ZNF407: variants seen among roughly 807,000 people sequenced by gnomAD.
ZNF407 encodes the protein zinc finger protein 407.
ZNF407 carries 17 observed loss-of-function variants against 131.2 expected under a neutral mutation model. The observed-to-expected ratio is 0.13, with a 90% CI of 0.09 to 0.19. ZNF407 has a LOEUF of 0.19. ZNF407 is among the 10% of genes least tolerant of loss of function. The pLI is 1.00. For missense variants in ZNF407, 2,681 were observed against 2,830.6 expected (o/e 0.95, Z 1.20); for synonymous variants, 1,156 against 1,062.0 (o/e 1.09, Z -1.72).
chr18:74,638,282 A>C (rs1422223909), intron 2 of ZNF407, among the ~76,000 whole-genome samples: 1 of 152,234 alleles, frequency 6.6e-6, no homozygotes, highest in Non-Finnish European at 1.5e-5. Context: ...GTGACCACAA[A>C]GGCTTAACAT....
chr18:75,052,777 C>T (rs1973517022), intron 8 of ZNF407, among the ~76,000 whole-genome samples: 2 of 152,152 alleles, frequency 1.3e-5, no homozygotes, highest in South Asian at 4.1e-4. Context: ...GCCTGTGCGG[C>T]ACCCGGTACA....
intron 8 of ZNF407, among the ~76,000 whole-genome samples, chr18:74,965,708 C>T (rs2145297362): frequency 6.6e-6 from 1 of 152,224 alleles, no homozygotes; most frequent in Admixed American, 6.5e-5. Context: ...TATATAGTAG[C>T]TCTACTTTTA....
intron 4 of ZNF407, among the ~76,000 whole-genome samples, chr18:74,835,938 A>C (rs1297298726): frequency 6.6e-6 from 1 of 151,592 alleles, no homozygotes; most frequent in African/African-American, 2.4e-5. Flanking sequence ...GTTTAGTTAC[A>C]GCTGAATGTA....
chr18:74,789,499 T>C (rs1969784366), intron 4 of ZNF407, among the ~76,000 whole-genome samples: 1 of 152,186 alleles, frequency 6.6e-6, no homozygotes, highest in South Asian at 2.1e-4. Context: ...CATATCAGGA[T>C]GAACCTGGGA....
At chr18:74,991,074 T>G (rs1294261630) in intron 8 of ZNF407, among the ~76,000 whole-genome samples, 1 of 152,230 alleles carries the variant, frequency 6.6e-6, no homozygotes, top group Non-Finnish European at 1.5e-5. Flanking sequence ...GATGTGCTAG[T>G]TCAGCTTACT....
intron 7 of ZNF407, among the ~76,000 whole-genome samples, chr18:74,916,803 T>TGC (rs565284476): frequency 4.2e-4 from 62 of 148,744 alleles, no homozygotes; most frequent in Non-Finnish European, 7.8e-4. Context: ...TGTGTGTGTG[T>TGC]GCATGTGTGT....
chr18:74,902,806 T>G lies in ZNF407; in HGVS notation c.5249+12768T>G, dbSNP rs1040703705. ...GCTAGAAAACATTTTTTTGAAAGAC[T>G]TTTCAAAGATAAGTAAGTTCACTCT... On this transcript the variant is annotated intron_variant, in intron 7 of 8. Coordinates refer to ENST00000299687, the MANE Select transcript of ZNF407 (RefSeq NM_017757.3). 3.3e-5 allele frequency among the ~76,000 whole-genome samples: 5 copies of G among 152,342 alleles called. No homozygotes were observed. The East Asian group carries it at 7.7e-4, about 23-fold the overall frequency.
chr18:74,888,358 A>G (rs1379079781), intron 6 of ZNF407, among the ~76,000 whole-genome samples: 1 of 152,170 alleles, frequency 6.6e-6, no homozygotes, highest in Non-Finnish European at 1.5e-5. Context: ...AAGAAAAAGT[A>G]ACAGGTGTAA....
chr18:74,900,496 T>C (rs928149623), intron 7 of ZNF407, among the ~76,000 whole-genome samples: 2 of 152,252 alleles, frequency 1.3e-5, no homozygotes, highest in African/African-American at 4.8e-5. Flanking sequence ...GAAGCTTGTG[T>C]TGACTGTGTT....
Position 74,635,383 on chromosome 18 carries a change from C to G in ZNF407, c.4364C>G (p.Thr1455Ser), listed in dbSNP as rs779868984. The change falls in exon 2 of 9, where the codon ACC becomes AGC. Residue 1455 changes from threonine (T) to serine (S), a missense_variant. Around this residue, in one of 6 missense-constraint regions of ZNF407, gnomAD observed 213 missense variants for 332.2 expected, o/e 0.64. Coordinates refer to ENST00000299687, the MANE Select transcript of ZNF407 (RefSeq NM_017757.3). The surrounding 1 kb of genome is among the most constrained non-coding windows in gnomAD (Gnocchi z 4.7). ...HCLLCGKSFY[T>S]ESNLHQHLAS... The stretch of plus-strand genomic sequence containing the variant: ...TTACTCTGTGGAAAGTCGTTCTATA[C>G]CGAAAGCAACCTTCACCAGCATCTG... 1 of 1,613,914 alleles carries G rather than the reference C, an allele frequency of 6.2e-7. No individual in the cohort carries two copies. The highest frequency in any genetic ancestry group is 8.5e-7 in the Non-Finnish European group (1 of 1,179,846).
At chr18:74,794,707 A>G (rs1009678771) in intron 4 of ZNF407, among the ~76,000 whole-genome samples, 3 of 152,128 alleles carry the variant, frequency 2.0e-5, no homozygotes, top group Admixed American at 6.5e-5. Flanking sequence ...CATATTTTAT[A>G]ATATAACTTC....
rs1463568560 is a variant in ZNF407 at position 75,063,590 on chromosome 18, C to T, written c.5869C>T (p.Leu1957Phe). Residue 1957 changes from leucine to phenylalanine, a missense_variant, in exon 9 of 9, where the codon CTC (leucine) becomes TTC (phenylalanine). This residue lies in a region of ZNF407 where 620 missense variants were observed against 583.1 expected (regional missense o/e 1.06). Coordinates refer to ENST00000299687, the MANE Select transcript of ZNF407 (RefSeq NM_017757.3). The surrounding 1 kb of genome is among the most constrained non-coding windows in gnomAD (Gnocchi z 6.6). ...SMEGHGMDES[L>F]SPGGAVIQQV... ...GGAAGGCCACGGCATGGATGAGTCC[C>T]TCAGTCCAGGTGGCGCTGTGATACA... The T allele has an allele frequency of 1.3e-6, 2 of 1,570,418 alleles. No homozygotes were observed. The highest frequency in any genetic ancestry group is 1.4e-5 in the African/African-American group (1 of 73,836).
chr18:74,778,739 G>A (rs531837137), intron 3 of ZNF407, among the ~76,000 whole-genome samples: 1 of 152,204 alleles, frequency 6.6e-6, no homozygotes, highest in Non-Finnish European at 1.5e-5. Flanking sequence ...AATGCTCCGG[G>A]AAGGCATGAC....
At chr18:74,966,669 A>T (rs766261008) in intron 8 of ZNF407, among the ~76,000 whole-genome samples, 1 of 152,126 alleles carries the variant, frequency 6.6e-6, no homozygotes, top group Non-Finnish European at 1.5e-5. Context: ...TTTCATATAA[A>T]TTTTAGGATT....
At chr18:74,937,496 A>G (rs1001186472) in intron 8 of ZNF407, among the ~76,000 whole-genome samples, 7 of 152,204 alleles carry the variant, frequency 4.6e-5, no homozygotes, top group African/African-American at 1.7e-4. Context: ...ACAGTGTTAT[A>G]TGTGCTGCTT....
At chr18:74,620,922 C>G (rs1174301822) in intron 1 of ZNF407, among the ~76,000 whole-genome samples, 1 of 152,144 alleles carries the variant, frequency 6.6e-6, no homozygotes, top group African/African-American at 2.4e-5. Context: ...GCTGAAATGT[C>G]TGAGCCAAGC....
chr18:74,955,123 C>T (rs1972260973), intron 8 of ZNF407, among the ~76,000 whole-genome samples: 1 of 152,070 alleles, frequency 6.6e-6, no homozygotes, highest in East Asian at 1.9e-4. Context: ...GAGTTTGGAA[C>T]CCTGAGGGTA....
At chr18:74,902,399 C>T (rs1395417126) in intron 7 of ZNF407, among the ~76,000 whole-genome samples, 1 of 152,092 alleles carries the variant, frequency 6.6e-6, no homozygotes, top group Non-Finnish European at 1.5e-5. Flanking sequence ...AACAAGGGCT[C>T]GCAGGAGTCG....
chr18:74,671,818 C>T (rs1389474969), intron 3 of ZNF407, among the ~76,000 whole-genome samples: 1 of 152,178 alleles, frequency 6.6e-6, no homozygotes, highest in Admixed American at 6.5e-5. Flanking sequence ...TGTACTGCCT[C>T]CCACAGACAG....
Sources: gnomAD v4.1 joint callset for allele counts (sites outside exome capture counted in the v4.1 genomes callset) on GRCh38, gnomAD v4.1.1 for gene constraint, gnomAD v4.1.1 regional missense constraint, Gnocchi (gnomAD v3.1) non-coding constraint, MANE v1.5 for transcripts, NCBI Gene and HGNC (gene_info 2026-07-23, HGNC 2026-07-21) for gene names.